Variants in MCF2L observed in about 807,000 individuals in gnomAD.
MCF2L encodes guanine nucleotide exchange factor DBS.
Under a neutral mutation model 153.4 loss-of-function variants are expected in MCF2L, and 97 were observed. That is an observed-to-expected ratio of 0.63 (90% confidence interval 0.54 to 0.75). The LOEUF is 0.75. Ranked by LOEUF, MCF2L falls within the 30% of genes least tolerant of loss-of-function variation. The pLI is 0.00. For missense variants in MCF2L, 1,347 were observed against 1,495.2 expected (o/e 0.90, Z 1.64); for synonymous variants, 659 against 632.2 (o/e 1.04, Z -0.64).
intron 22 of MCF2L, 44 bp downstream of exon 22, chr13:113,087,500 C>A (rs762634026): frequency 1.4e-5 from 21 of 1,484,546 alleles, no homozygotes; most frequent in Middle Eastern, 3.5e-4. Context: ...TGGCCACAGA[C>A]CCCGACGGGG....
Position 113,089,674 on chromosome 13 carries a change from C to G in MCF2L, c.2899C>G (p.Leu967Val). 6.2e-7 allele frequency: 1 copy of G among 1,613,990 alleles called. No homozygotes were observed. The highest frequency in any genetic ancestry group is 8.5e-7 in the Non-Finnish European group (1 of 1,180,030). Residue 967 changes from leucine (L) to valine (V), a missense_variant, in exon 26 of 30, where the codon CTG (leucine) becomes GTG (valine). By Grantham distance (32) the Leu-to-Val change is conservative. Coordinates refer to ENST00000535094, the MANE Select transcript of MCF2L (RefSeq NM_001112732.3). The stretch of plus-strand genomic sequence containing the variant: ...AGAAAGGAAAACAGACCCCCTAAGC[C>G]TGGAGGGATACGTCAGCTCAGCGCC... ...LEERKTDPLS[L>V]EGYVSSAPLT...
At chr13:113,003,004 TAAA>T (rs11329462) in intron 1 of MCF2L, among the ~76,000 whole-genome samples, 11 of 142,900 alleles carry the variant, frequency 7.7e-5, no homozygotes, top group Admixed American at 6.9e-5. Flanking sequence ...CCTCATCTGT[TAAA>T]AAAAAAAAAA....
rs557221685 is a variant in MCF2L, at chr13:112,960,413, A to G, written c.170-54350A>G. On this transcript the variant is annotated intron_variant, in intron 2 of 29. Coordinates refer to the MCF2L transcript ENST00000375608. The surrounding 1 kb of genome is among the most constrained non-coding windows in gnomAD (Gnocchi z 4.2). ...GGCGGCATTGGGGGTGAGGTTTCCC[A>G]CACACGACCTTTGGGGGACACATTA... Among the ~76,000 whole-genome samples the G allele has an allele frequency of 2.0e-5, 3 of 152,278 alleles. No homozygotes were observed. Among genetic ancestry groups the G allele is most frequent in the Admixed American group, 2.0e-4 (3 of 15,298 alleles).
chr13:112,895,993 C>G (rs532379586), intron 1 of MCF2L, among the ~76,000 whole-genome samples: 24 of 152,332 alleles, frequency 1.6e-4, no homozygotes, highest in African/African-American at 4.3e-4. Flanking sequence ...GGGGGCCTGA[C>G]AGAATTGCTG....
chr13:112,925,324 A>G lies in MCF2L; in HGVS notation c.169+22953A>G, dbSNP rs577674988. On this transcript the variant is annotated intron_variant, in intron 2 of 29. Coordinates refer to the MCF2L transcript ENST00000375608. ...CATATTGCTATGACCACTTTGGAAAACATGGACAGGGTCTAAAGCTAAGCA... is the reference window on the plus strand; with the variant it reads ...CATATTGCTATGACCACTTTGGAAAGCATGGACAGGGTCTAAAGCTAAGCA... Among the ~76,000 whole-genome samples the G allele has an allele frequency of 3.4e-3, 514 of 152,338 alleles. 2 individuals carry two copies. Among genetic ancestry groups the G allele is most frequent in the South Asian group, 0.019 (94 of 4,826 alleles).
At position 113,070,241 on chromosome 13, in the gene MCF2L, G is replaced by A; in HGVS notation, c.996+68G>A. 1 of 1,119,222 alleles carries A rather than the reference G, an allele frequency of 8.9e-7. No individual in the cohort carries two copies. Among genetic ancestry groups the A allele is most frequent in the East Asian group, 2.8e-5 (1 of 35,508 alleles). The allele number at this position is 1,119,222 out of a possible 1,614,324, so 69.3% of individuals were successfully genotyped here. A position where few individuals can be genotyped will look rare whatever the true frequency, so the allele number is the denominator to read the frequency against. ...CGGGGCCTCCTGTGCCTGCGCCCTG[G>A]TCCCAGTGCCGGGAGCTGAGCCGTG... On this transcript the variant is annotated intron_variant, in intron 9 of 29. Coordinates refer to ENST00000535094, the MANE Select transcript of MCF2L (RefSeq NM_001112732.3). The surrounding 1 kb of genome is among the most constrained non-coding windows in gnomAD (Gnocchi z 5.6).
chr13:113,018,063 A>C lies in MCF2L; in HGVS notation c.163+3217A>C, dbSNP rs115139791. On this transcript the variant is annotated intron_variant, in intron 2 of 29. Transcript: ENST00000535094. ...ATGTGCGGTCCCGTCTTCTCCCTCC[A>C]TTGTCTGTAGACGCACAGGTGCCAC... Among the ~76,000 whole-genome samples the C allele has an allele frequency of 4.3e-3, 660 of 152,134 alleles. 4 individuals carry two copies. The highest frequency in any genetic ancestry group is 0.015 in the African/African-American group (635 of 41,504).
chr13:112,903,406 C>A (rs1017394109), intron 2 of MCF2L, among the ~76,000 whole-genome samples: 1 of 152,182 alleles, frequency 6.6e-6, no homozygotes, highest in African/African-American at 2.4e-5. Context: ...GGCTGGTGCC[C>A]AGGAATTCCC....
In MCF2L at chr13:113,054,964, G is replaced by C. The variant is rs1325603712; in HGVS notation, c.370-5629G>C. The C allele has an allele frequency of 6.6e-6, 1 of 152,168 alleles. No individual in the cohort carries two copies. The highest frequency in any genetic ancestry group is 1.5e-5 in the Non-Finnish European group (1 of 68,044). The allele number at this position is 152,168 out of a possible 1,614,324, so 9.4% of individuals were successfully genotyped here. The stretch of plus-strand genomic sequence containing the variant: ...AAACCTATAGGATTACTTTACTGTT[G>C]AGTAATTTACAAAAAGACTTGACAG... On this transcript the variant is annotated intron_variant, in intron 4 of 29. Transcript: ENST00000535094. The surrounding 1 kb of genome is among the most constrained non-coding windows in gnomAD (Gnocchi z 5.2).
intron 2 of MCF2L, among the ~76,000 whole-genome samples, chr13:112,921,227 A>G (rs2081350054): frequency 6.6e-6 from 1 of 152,118 alleles, no homozygotes. Context: ...ACAAAACAAA[A>G]AAACTGCCAG....
At chr13:113,065,387 CA>C (rs1178543740) in intron 7 of MCF2L, 7 of 414,930 alleles carry the variant, frequency 1.7e-5, no homozygotes, top group Non-Finnish European at 2.2e-5. Context: ...GGAGTGGGAC[CA>C]GGGGTGGCTC....
intron 2 of MCF2L, among the ~76,000 whole-genome samples, chr13:112,916,932 G>A (rs2140548058): frequency 6.6e-6 from 1 of 152,016 alleles, no homozygotes; most frequent in East Asian, 1.9e-4. Context: ...CTGCCTTCCT[G>A]CCGGACCTCT....
chr13:113,040,925 C>T (rs1219558461), intron 3 of MCF2L: 1 of 152,150 alleles, frequency 6.6e-6, no homozygotes, highest in African/African-American at 2.4e-5. Flanking sequence ...TGGTTTGGGT[C>T]TCTGTCACAG....
At chr13:112,971,556 T>A (rs141452255) in intron 1 of MCF2L, among the ~76,000 whole-genome samples, 3 of 152,334 alleles carry the variant, frequency 2.0e-5, no homozygotes, top group Non-Finnish European at 2.9e-5. Flanking sequence ...ACAGGCATTT[T>A]ATCTTTGCTG....
At chr13:112,986,288 G>T (rs993663152) in intron 1 of MCF2L, among the ~76,000 whole-genome samples, 2 of 152,242 alleles carry the variant, frequency 1.3e-5, no homozygotes, top group Admixed American at 6.5e-5. Flanking sequence ...CCTCAGAGTT[G>T]CAGCTTTGCT....
At chr13:113,095,007 C>T (rs753973084) in intron 27 of MCF2L, 1 of 1,376,494 alleles carries the variant, frequency 7.3e-7, no homozygotes, top group South Asian at 1.1e-5. Flanking sequence ...CTCGTGGGTG[C>T]ACCTTCCTCA....
chr13:113,057,983 G>A (rs1166011717), intron 4 of MCF2L, among the ~76,000 whole-genome samples: 3 of 144,284 alleles, frequency 2.1e-5, no homozygotes, highest in African/African-American at 7.8e-5. Context: ...GGTGCTGAGT[G>A]TTGGGTGCTG....
Position 113,096,946 on chromosome 13 carries a change from G to T in MCF2L, c.*87G>T, listed in dbSNP as rs1233030968. 1.0e-6 allele frequency: 1 copy of T among 958,624 alleles called. No individual in the cohort carries two copies. Among genetic ancestry groups the T allele is most frequent in the East Asian group, 3.7e-5 (1 of 27,368 alleles). The allele number at this position is 958,624 out of a possible 1,614,324, so 59.4% of individuals were successfully genotyped here. A position where few individuals can be genotyped will look rare whatever the true frequency, so the allele number is the denominator to read the frequency against. On this transcript the variant is annotated 3_prime_UTR_variant, in exon 30 of 30. Transcript: ENST00000535094. ...GGCCCCCGGACGCCCCGAGGAAGGG[G>T]CACCTCACCGCCCCCACCCAGAGCG...
chr13:112,991,844 G>A (rs758896440), intron 1 of MCF2L, among the ~76,000 whole-genome samples: 5 of 152,170 alleles, frequency 3.3e-5, no homozygotes, highest in South Asian at 2.1e-4. Context: ...AACCACAGCC[G>A]ACTCCACAGG....
Sources: gnomAD v4.1 joint callset for allele counts (sites outside exome capture counted in the v4.1 genomes callset) on GRCh38, gnomAD v4.1.1 for gene constraint, Gnocchi (gnomAD v3.1) non-coding constraint, MANE v1.5 for transcripts, NCBI Gene and HGNC (gene_info 2026-07-23, HGNC 2026-07-21) for gene names.